DOCK3: variants seen among roughly 807,000 people sequenced by gnomAD.
DOCK3 encodes dedicator of cytokinesis protein 3.
In DOCK3, 60 loss-of-function variants were observed where a neutral mutation model predicts 265.6. The observed-to-expected ratio is 0.23, with a 90% CI of 0.18 to 0.28. The LOEUF is 0.28. Among genes scored for constraint, DOCK3 ranks in the 10% least tolerant of loss-of-function variants. The pLI is 1.00. For synonymous variants in DOCK3, 881 were observed against 938.0 expected, an observed-to-expected ratio of 0.94 and a Z score of 1.11; for missense variants, 1,981 against 2,594.3, an observed-to-expected ratio of 0.76 and a Z score of 5.14.
At chr3:51,185,574 G>C (rs529438637) in intron 12 of DOCK3, among the ~76,000 whole-genome samples, 1 of 152,140 alleles carries the variant, frequency 6.6e-6, no homozygotes, top group Non-Finnish European at 1.5e-5. Context: ...CTAAGTGTCA[G>C]CTAACTGCAT....
chr3:50,815,567 C>G (rs2044026991), intron 2 of DOCK3, among the ~76,000 whole-genome samples: 1 of 152,090 alleles, frequency 6.6e-6, no homozygotes, highest in Non-Finnish European at 1.5e-5. Flanking sequence ...TAATTTTTAT[C>G]CTCTGGGAAA....
intron 27 of DOCK3, among the ~76,000 whole-genome samples, chr3:51,303,779 C>G (rs1461775098): frequency 6.6e-6 from 1 of 152,210 alleles, no homozygotes. Context: ...AGATAGCTGC[C>G]TGCTTCTTCC....
intron 4 of DOCK3, among the ~76,000 whole-genome samples, chr3:50,919,971 T>G (rs768845917): frequency 6.6e-6 from 1 of 152,226 alleles, no homozygotes; most frequent in Admixed American, 6.5e-5. Context: ...CGCTGTTGAA[T>G]TTTGTCAAAG....
At chr3:50,716,286 G>A (rs996719584) in intron 1 of DOCK3, among the ~76,000 whole-genome samples, 2 of 152,096 alleles carry the variant, frequency 1.3e-5, no homozygotes, top group African/African-American at 4.8e-5. Flanking sequence ...CCAGCACTTT[G>A]GGAGGCTGAG....
intron 1 of DOCK3, among the ~76,000 whole-genome samples, chr3:50,759,031 T>G (rs2040367123): frequency 6.6e-6 from 1 of 152,212 alleles, no homozygotes; most frequent in Non-Finnish European, 1.5e-5. Context: ...CTTGGATTAC[T>G]TTCACCTTTT....
At chr3:51,240,171 C>T (rs1433610375) in intron 21 of DOCK3, among the ~76,000 whole-genome samples, 5 of 152,160 alleles carry the variant, frequency 3.3e-5, no homozygotes, top group African/African-American at 1.2e-4. Context: ...TTTCAAAGAA[C>T]TTGTTGATTT....
chr3:50,949,235 G>A (rs777655652), intron 5 of DOCK3, among the ~76,000 whole-genome samples: 4 of 152,166 alleles, frequency 2.6e-5, no homozygotes, highest in Non-Finnish European at 5.9e-5. Context: ...TAATCCCAGA[G>A]TGGGAGAAAA....
At chr3:51,233,316 TTCTA>T (rs71084135) in intron 19 of DOCK3, among the ~76,000 whole-genome samples, 4,625 of 70,328 alleles carry the variant, frequency 0.066, 115 homozygotes, top group Non-Finnish European at 0.13. Flanking sequence ...TATTCTTTCT[TTCTA>T]TCTATCTATC....
At chr3:51,363,617 C>T (rs2110376526) in intron 49 of DOCK3, among the ~76,000 whole-genome samples, 1 of 152,302 alleles carries the variant, frequency 6.6e-6, no homozygotes, top group Non-Finnish European at 1.5e-5. Flanking sequence ...GGTATATCTC[C>T]TAATGCTATC....
At chr3:50,802,967 A>C (rs1460577757) in intron 2 of DOCK3, among the ~76,000 whole-genome samples, 3 of 151,270 alleles carry the variant, frequency 2.0e-5, no homozygotes, top group Admixed American at 2.0e-4. Flanking sequence ...CTTCATTTTT[A>C]TAATTTAGTT....
chr3:50,771,840 G>A (rs370850668), intron 1 of DOCK3, among the ~76,000 whole-genome samples: 25 of 152,230 alleles, frequency 1.6e-4, no homozygotes, highest in South Asian at 6.2e-4. Context: ...GACAGAGCGA[G>A]ACTCCATCTC....
At chr3:51,239,100 T>A (rs1337086207) in intron 21 of DOCK3, among the ~76,000 whole-genome samples, 1 of 152,256 alleles carries the variant, frequency 6.6e-6, no homozygotes, top group East Asian at 1.9e-4. Flanking sequence ...TTCATTTTTC[T>A]CTGCAACCTT....
intron 9 of DOCK3, among the ~76,000 whole-genome samples, chr3:51,107,331 T>C (rs1161778808): frequency 6.6e-6 from 1 of 152,078 alleles, no homozygotes; most frequent in African/African-American, 2.4e-5. Context: ...TTGCAACAGT[T>C]CTCCAACAAG....
At chr3:50,855,419 G>A (rs952103088) in intron 3 of DOCK3, among the ~76,000 whole-genome samples, 1 of 151,554 alleles carries the variant, frequency 6.6e-6, no homozygotes, top group African/African-American at 2.4e-5. Flanking sequence ...TTATTTTTGT[G>A]GCAGTTGTAA....
chr3:50,851,085 A>G (rs2262845), intron 3 of DOCK3, among the ~76,000 whole-genome samples: 151,879 of 152,298 alleles, frequency 1, 75,735 homozygotes, highest in Middle Eastern at 1. Context: ...GGTGGCCACC[A>G]AGCACTCAGA....
chr3:51,355,312 C>T (rs1429579869), intron 41 of DOCK3, among the ~76,000 whole-genome samples: 1 of 152,218 alleles, frequency 6.6e-6, no homozygotes, highest in African/African-American at 2.4e-5. Flanking sequence ...TCACCCTGCC[C>T]TATGAGGAGT....
chr3:51,228,302 A>G (rs1472423376), intron 17 of DOCK3, among the ~76,000 whole-genome samples: 1 of 152,100 alleles, frequency 6.6e-6, no homozygotes, highest in East Asian at 1.9e-4. Context: ...TTTGTTTTCT[A>G]CTTCTCACTT....
At chr3:51,018,271 A>G (rs551549500) in intron 5 of DOCK3, among the ~76,000 whole-genome samples, 1 of 151,538 alleles carries the variant, frequency 6.6e-6, no homozygotes, top group African/African-American at 2.4e-5. Context: ...AATTACTAAC[A>G]TTTCAGTGTA....
At chr3:50,866,226 C>T (rs2047135578) in intron 3 of DOCK3, among the ~76,000 whole-genome samples, 1 of 152,124 alleles carries the variant, frequency 6.6e-6, no homozygotes. Context: ...GTGGCTCACA[C>T]CTGTAATCCC....
Sources: gnomAD v4.1 joint callset for allele counts (sites outside exome capture counted in the v4.1 genomes callset) on GRCh38, gnomAD v4.1.1 for gene constraint, MANE v1.5 for transcripts, NCBI Gene and HGNC (gene_info 2026-07-23, HGNC 2026-07-21) for gene names.